The following HCN1 variants were observed in gnomAD, a reference collection of about 807,000 sequenced individuals.
HCN1 encodes the protein potassium/sodium hyperpolarization-activated cyclic nucleotide-gated channel 1.
HCN1 carries 13 observed loss-of-function variants against 78.9 expected under a neutral mutation model. The ratio of observed to expected loss-of-function variants is 0.16; its 90% confidence interval spans 0.11 to 0.26. The LOEUF is 0.26. Among genes scored for constraint, HCN1 ranks in the 10% least tolerant of loss-of-function variants. The pLI, the probability that HCN1 is intolerant of heterozygous loss-of-function variation, is 1.00. For synonymous variants in HCN1, 552 were observed against 455.5 expected (o/e 1.21, Z -2.70); for missense variants, 810 against 1,154.3 (o/e 0.70, Z 4.32).
chr5:45,448,301 G>C (rs1740840343), intron 3 of HCN1, among the ~76,000 whole-genome samples: 1 of 152,146 alleles, frequency 6.6e-6, no homozygotes, highest in African/African-American at 2.4e-5. Flanking sequence ...GAATACCAAA[G>C]TATTGTCTCG....
rs111770120 is a variant in HCN1 at position 45,375,118 on chromosome 5, T to C, written c.1230+21374A>G. ...ATATAATATTTTATAATATATAATA[T>C]ATTATATATAATATATTTTATAATA... On this transcript the variant is annotated intron_variant, in intron 4 of 7. Transcript: ENST00000303230. Among the ~76,000 whole-genome samples, 9 of 123,300 alleles carry C rather than the reference T, an allele frequency of 7.3e-5. 1 individual carries two copies. The highest frequency in any genetic ancestry group is 2.2e-4 in the South Asian group (1 of 4,520). The allele number at this position is 123,300 out of a possible 152,430, so 80.9% of individuals were successfully genotyped here. A position where few individuals can be genotyped will look rare whatever the true frequency, so the allele number is the denominator to read the frequency against.
At chr5:45,270,540 A>G (rs1421020417) in intron 6 of HCN1, among the ~76,000 whole-genome samples, 4 of 152,296 alleles carry the variant, frequency 2.6e-5, no homozygotes, top group Non-Finnish European at 5.9e-5. Context: ...GTCTTCTAGA[A>G]ACATGTCCCT....
rs572095228 is a variant in HCN1 at position 45,469,379 on chromosome 5, T to C, written c.850-7372A>G. On this transcript the variant is annotated intron_variant, in intron 2 of 7. Transcript: ENST00000303230. ...AGAAGAAATTTCAATGGATTAATAC[T>C]CTAAAAAACAGACTAAAATTAAACA... 1.4e-4 allele frequency among the ~76,000 whole-genome samples: 22 copies of C among 152,058 alleles called. No homozygotes were observed. In the South Asian group the frequency reaches 3.5e-3, roughly 24 times the overall value.
chr5:45,619,698 T>C (rs546419939), intron 2 of HCN1, among the ~76,000 whole-genome samples: 23 of 152,218 alleles, frequency 1.5e-4, no homozygotes, highest in African/African-American at 5.5e-4. Context: ...CCAAGCTCCA[T>C]TGAAGAATGT....
intron 2 of HCN1, among the ~76,000 whole-genome samples, chr5:45,589,369 T>G (rs941684637): frequency 6.6e-6 from 1 of 152,154 alleles, no homozygotes; most frequent in East Asian, 1.9e-4. Context: ...AAGTCTTACA[T>G]AGAGAAAAAG....
At chr5:45,368,437 A>T (rs1345012089) in intron 4 of HCN1, among the ~76,000 whole-genome samples, 2 of 152,050 alleles carry the variant, frequency 1.3e-5, no homozygotes, top group Non-Finnish European at 2.9e-5. Context: ...GAAATGATAA[A>T]TAATGGAATA....
chr5:45,562,077 T>A (rs999135009), intron 2 of HCN1, among the ~76,000 whole-genome samples: 17 of 152,200 alleles, frequency 1.1e-4, no homozygotes, highest in African/African-American at 4.1e-4. Flanking sequence ...ACATTTTTAG[T>A]CAGTTGAACA....
At chr5:45,648,737 T>C (rs1207882283) in intron 1 of HCN1, among the ~76,000 whole-genome samples, 1 of 152,096 alleles carries the variant, frequency 6.6e-6, no homozygotes, top group African/African-American at 2.4e-5. Context: ...TCAGTTTCTA[T>C]GTCTTGCACA....
At chr5:45,274,619 G>T (rs1745019188) in intron 6 of HCN1, among the ~76,000 whole-genome samples, 1 of 152,050 alleles carries the variant, frequency 6.6e-6, no homozygotes, top group South Asian at 2.1e-4. Flanking sequence ...TTATGATTTT[G>T]ATGGTACCTG....
Position 45,262,450 on chromosome 5 carries a change from C to T in HCN1, c.2144G>A (p.Arg715Gln), listed in dbSNP as rs1242068538. The T allele has an allele frequency of 6.2e-7, 1 of 1,611,928 alleles. No homozygotes were observed. The highest frequency in any genetic ancestry group is 8.5e-7 in the Non-Finnish European group (1 of 1,179,680). ...SPPVQSPLAA[R>Q]TFHYASPTAS... The stretch of plus-strand genomic sequence containing the variant: ...GGTGGGGGAGGCATAGTGGAAAGTT[C>T]GAGCGGCCAGAGGGCTCTGTACAGG... The change falls in exon 8 of 8, where the codon CGA (arginine) becomes CAA (glutamine). Residue 715 changes from arginine (R) to glutamine (Q), a missense_variant. Arg to Gln is a conservative substitution (Grantham distance 43, BLOSUM62 1). Around this residue, in one of 6 missense-constraint regions of HCN1, gnomAD observed 398 missense variants for 381.3 expected, o/e 1.04. Transcript: ENST00000303230.
chr5:45,517,393 T>C (rs1369529671), intron 2 of HCN1, among the ~76,000 whole-genome samples: 1 of 151,784 alleles, frequency 6.6e-6, no homozygotes, highest in Non-Finnish European at 1.5e-5. Flanking sequence ...CACACACATA[T>C]GCATGTATAA....
Position 45,432,606 on chromosome 5 carries a change from A to G in HCN1, c.1011+29240T>C, listed in dbSNP as rs112775309. ...TTTCAGCTTTTGCCCATTCAGTATG[A>G]TGTTGGTTATAGGTTTGTCATAGAT... is the stretch of plus-strand genomic sequence containing the variant. On this transcript the variant is annotated intron_variant, in intron 3 of 7. Transcript: ENST00000303230. Among the ~76,000 whole-genome samples, 464 of 152,174 alleles carry G rather than the reference A, an allele frequency of 3.0e-3. 2 individuals are homozygous for G. The highest frequency in any genetic ancestry group is 0.01 in the African/African-American group (435 of 41,492).
intron 1 of HCN1, among the ~76,000 whole-genome samples, chr5:45,692,896 TAA>T (rs1739941794): frequency 6.6e-6 from 1 of 152,190 alleles, no homozygotes; most frequent in Admixed American, 6.5e-5. Flanking sequence ...AAAGGTTTAT[TAA>T]AAGTGTCAAG....
chr5:45,494,162 T>C (rs1266849016), intron 2 of HCN1, among the ~76,000 whole-genome samples: 8 of 152,126 alleles, frequency 5.3e-5, no homozygotes, highest in Non-Finnish European at 1.2e-4. Flanking sequence ...TCTAGATCCC[T>C]GAGGAATCGC....
At chr5:45,281,432 C>A (rs1449137280) in intron 6 of HCN1, among the ~76,000 whole-genome samples, 2 of 152,010 alleles carry the variant, frequency 1.3e-5, no homozygotes, top group Admixed American at 6.6e-5. Context: ...GCCATCAGAA[C>A]TTTGAATCAA....
At chr5:45,524,411 G>T (rs1742685394) in intron 2 of HCN1, among the ~76,000 whole-genome samples, 1 of 152,134 alleles carries the variant, frequency 6.6e-6, no homozygotes, top group Non-Finnish European at 1.5e-5. Context: ...GTCATTGGTA[G>T]CTTGATGGGG....
intron 5 of HCN1, among the ~76,000 whole-genome samples, chr5:45,322,772 A>G (rs115626217): frequency 6.6e-6 from 1 of 151,824 alleles, no homozygotes; most frequent in Admixed American, 6.6e-5. Flanking sequence ...GGATTTTCAG[A>G]TTAGGAATGC....
intron 6 of HCN1, among the ~76,000 whole-genome samples, chr5:45,285,642 A>G (rs1327705278): frequency 1.3e-5 from 2 of 151,900 alleles, no homozygotes; most frequent in African/African-American, 4.8e-5. Flanking sequence ...TATCTGAAAA[A>G]TGTAGCCAAG....
At chr5:45,389,065 C>T (rs536673617) in intron 4 of HCN1, among the ~76,000 whole-genome samples, 24 of 152,110 alleles carry the variant, frequency 1.6e-4, no homozygotes, top group Non-Finnish European at 3.5e-4. Context: ...CAAATTGCTA[C>T]TAGACTCTCA....
Sources: gnomAD v4.1 joint callset for allele counts (sites outside exome capture counted in the v4.1 genomes callset) on GRCh38, gnomAD v4.1.1 for gene constraint, gnomAD v4.1.1 regional missense constraint, MANE v1.5 for transcripts, NCBI Gene and HGNC (gene_info 2026-07-23, HGNC 2026-07-21) for gene names.